The following GSTM5 variants were observed in gnomAD, a reference collection of about 807,000 sequenced individuals.
GSTM5 encodes GST class-mu 5.
In GSTM5, 24 loss-of-function variants were observed where a neutral mutation model predicts 29.0. That is an observed-to-expected ratio of 0.83 (90% CI 0.60 to 1.16). GSTM5 has a LOEUF of 1.16. Among genes scored for constraint, GSTM5 ranks in the 50% most tolerant of loss-of-function variants. The pLI, the probability that GSTM5 is intolerant of heterozygous loss-of-function variation, is 0.00. For missense variants in GSTM5, 290 were observed against 263.0 expected (o/e 1.10, Z -0.71); for synonymous variants, 91 against 93.6 (o/e 0.97, Z 0.16).
chr1:109,713,295 T>C, intron 3 of GSTM5, 112 bp downstream of exon 3: 1 of 1,511,970 alleles, frequency 6.6e-7, no homozygotes, highest in Non-Finnish European at 9.2e-7. Context: ...CCAATTCCTC[T>C]CACTCTTGGC....
intron 7 of GSTM5, 27 bp downstream of exon 7, chr1:109,715,267 T>G (rs762807389): frequency 1.2e-6 from 2 of 1,614,230 alleles, no homozygotes; most frequent in Non-Finnish European, 1.7e-6. Context: ...CCTTTCTCTT[T>G]GATGCCCCTT....
chr1:109,713,185 T>C lies in GSTM5; in HGVS notation c.177+2T>C. On this transcript the variant is annotated splice_donor_variant, in intron 3 of 7. Coordinates refer to ENST00000256593, the MANE Select transcript of GSTM5 (RefSeq NM_000851.4). LOFTEE classifies it high-confidence loss of function. ...AAGCTGGGCCTGGACTTTCCCAATG[T>C]AGGTGCAGGGGAAGGGGCGGTTTTG... 1 of 1,612,390 alleles carries C rather than the reference T, an allele frequency of 6.2e-7. No homozygotes were observed. The highest frequency in any genetic ancestry group is 8.5e-7 in the Non-Finnish European group (1 of 1,179,838).
At chr1:109,717,188 T>C (rs1350845218) in intron 7 of GSTM5, 149 bp from the exon 8 acceptor site, 2 of 622,522 alleles carry the variant, frequency 3.2e-6, no homozygotes, top group East Asian at 2.7e-5. Context: ...TTAGAAGAGC[T>C]GGGGACCTAA....
intron 1 of GSTM5, 126 bp downstream of exon 1, chr1:109,712,474 C>A: frequency 6.5e-6 from 5 of 772,100 alleles, no homozygotes; most frequent in Non-Finnish European, 1.1e-5. Context: ...CTGTGCATGA[C>A]GCTGTGTGTG....
chr1:109,713,034 A>G (rs492732), intron 2 of GSTM5, 85 bp from the exon 3 acceptor site: 39 of 1,501,168 alleles, frequency 2.6e-5, no homozygotes, highest in Admixed American at 5.1e-5. Flanking sequence ...TGTCTCAGGG[A>G]TCTTGCCACT....
In GSTM5 at chr1:109,713,830, C is replaced by G; in HGVS notation, c.360+69C>G. 3 of 1,361,518 alleles carry G rather than the reference C, an allele frequency of 2.2e-6. No homozygotes were observed. The South Asian group carries it at 3.5e-5, about 16-fold the overall frequency. 84.3% of individuals were successfully genotyped at this position (1,361,518 alleles called of 1,614,324 possible). On this transcript the variant is annotated intron_variant, in intron 5 of 7. Transcript: ENST00000256593. ...TTGGCCCAGACCAGGGAGGGACTTC[C>G]AAAGTCAGGTCTGTAGCAGACTCCG...
rs1390308203 is a variant in GSTM5, at chr1:109,715,120, CCTT to C, written c.457-5_457-3del. Reference sequence around the variant, plus strand: ...GGGTTTTCAGCCCACACATTCTTGGCCTTCTTCAGATCACCTTTGTGGATTTCC... The same window carrying C: ...GGGTTTTCAGCCCACACATTCTTGGCCTTCAGATCACCTTTGTGGATTTCC... On this transcript the variant is annotated splice_region_variant and splice_polypyrimidine_tract_variant and intron_variant, in intron 6 of 7. Coordinates refer to ENST00000256593, the MANE Select transcript of GSTM5 (RefSeq NM_000851.4). 6 of 1,614,054 alleles carry C rather than the reference CCTT, an allele frequency of 3.7e-6. No individual in the cohort carries two copies. The highest frequency in any genetic ancestry group is 1.1e-5 in the South Asian group (1 of 91,090).
chr1:109,712,063 C>G (rs867709534), upstream of GSTM5, among the ~76,000 whole-genome samples: 3 of 152,174 alleles, frequency 2.0e-5, no homozygotes, highest in Middle Eastern at 3.2e-3. Flanking sequence ...CTGGCGAGGC[C>G]GAGCCCCGCT....
chr1:109,713,025 G>A, intron 2 of GSTM5, 94 bp from the exon 3 acceptor site: 1 of 1,422,938 alleles, frequency 7.0e-7, no homozygotes, highest in Non-Finnish European at 9.9e-7. Context: ...AGATCCACCT[G>A]TCTCAGGGAT....
intron 1 of GSTM5, 53 bp downstream of exon 1, chr1:109,712,401 G>A: frequency 6.3e-7 from 1 of 1,590,034 alleles, no homozygotes; most frequent in Non-Finnish European, 8.6e-7. Flanking sequence ...GGGGATGTGT[G>A]GAGTAGCTGC....
rs1202823167 is a variant in GSTM5, at chr1:109,716,184, C to T, written c.567+944C>T. On this transcript the variant is annotated intron_variant, in intron 7 of 7. Coordinates refer to ENST00000256593, the MANE Select transcript of GSTM5 (RefSeq NM_000851.4). The stretch of plus-strand genomic sequence containing the variant: ...CTGTGTTGAAGTTGTTTGAGAGCAG[C>T]AAATCCTACTTTAGTACAGATTTGG... The T allele has an allele frequency of 5.5e-5, 14 of 253,852 alleles. 1 individual carries two copies. Among genetic ancestry groups the T allele is most frequent in the South Asian group, 4.9e-4 (12 of 24,522 alleles). 15.7% of individuals were successfully genotyped at this position (253,852 alleles called of 1,614,324 possible).
chr1:109,713,734 G>T lies in GSTM5; in HGVS notation c.333G>T (p.Leu111=). The T allele has an allele frequency of 6.2e-7, 1 of 1,613,104 alleles. No homozygotes were observed. Among genetic ancestry groups the T allele is most frequent in the South Asian group, 1.1e-5 (1 of 91,000 alleles). Residue 111 remains leucine (L), a synonymous_variant, in exon 5 of 8, where the codon CTG becomes CTT. Transcript: ENST00000256593. ...ENQVMDNHME[L]VRLCYDPDFE... Reference sequence around the variant, plus strand: ...AGGTTATGGATAACCACATGGAGCTGGTCAGACTGTGCTATGACCCAGATT... The same window carrying T: ...AGGTTATGGATAACCACATGGAGCTTGTCAGACTGTGCTATGACCCAGATT...
At chr1:109,715,793 C>T (rs559338690) in intron 7 of GSTM5, 32 of 409,558 alleles carry the variant, frequency 7.8e-5, no homozygotes, top group Non-Finnish European at 1.0e-4. Flanking sequence ...TCCTGAGATC[C>T]GGAGCTGTGG....
At chr1:109,715,742 A>G (rs17024661) in intron 7 of GSTM5, 14,991 of 413,860 alleles carry the variant, frequency 0.036, 457 homozygotes, top group South Asian at 0.099. Context: ...ATTCATAGCC[A>G]CCCCCAGAAG....
rs146629350 is a variant in GSTM5, at chr1:109,714,024, G to A, written c.360+263G>A. On this transcript the variant is annotated intron_variant, in intron 5 of 7. Transcript: ENST00000256593. ...AGTTTGTGAGTCTCCCCAGTGAGCT[G>A]CACCTGGCAGAGTTTGGATTTGGGG... is the stretch of plus-strand genomic sequence containing the variant. 7.9e-3 allele frequency: 2,630 copies of A among 332,136 alleles called. 26 individuals carry two copies. Among genetic ancestry groups the A allele is most frequent in the Admixed American group, 0.03 (653 of 21,470 alleles). 20.6% of individuals were successfully genotyped at this position (332,136 alleles called of 1,614,324 possible). A position where few individuals can be genotyped will look rare whatever the true frequency, so the allele number is the denominator to read the frequency against.
chr1:109,716,679 T>C (rs1648758029), intron 7 of GSTM5: 1 of 152,818 alleles, frequency 6.5e-6, no homozygotes, highest in African/African-American at 2.4e-5. Flanking sequence ...ACCCTTACCC[T>C]ATTCAGTTTC....
At position 109,717,409 on chromosome 1, in the gene GSTM5, A is replaced by G. The variant is rs1648788016; in HGVS notation, c.640A>G (p.Thr214Ala). 1 of 1,613,534 alleles carries G rather than the reference A, an allele frequency of 6.2e-7. No individual in the cohort carries two copies. Among genetic ancestry groups the G allele is most frequent in the Admixed American group, 1.7e-5 (1 of 60,012 alleles). Residue 214 changes from threonine (T) to alanine (A), a missense_variant, in exon 8 of 8, where the codon ACA (threonine) becomes GCA (alanine). Physicochemically the swap from Thr to Ala is moderately conservative, Grantham distance 58 (BLOSUM62 0). Transcript: ENST00000256593. ...AGGTCTTTTGTTTGGAAAGTCAGCT[A>G]CATGGAACAGCAAATAGGGCCCAGT... is the stretch of plus-strand genomic sequence containing the variant. ...LRGLLFGKSA[T>A]WNSK
chr1:109,712,518 G>C lies in GSTM5; in HGVS notation c.37-100G>C, dbSNP rs567005929. The C allele has an allele frequency of 1.8e-5, 26 of 1,428,148 alleles. No homozygotes were observed. The African/African-American group carries it at 2.9e-4, about 16-fold the overall frequency. The allele number at this position is 1,428,148 out of a possible 1,614,324, so 88.5% of individuals were successfully genotyped here. Reference sequence around the variant, plus strand: ...GGTGGGGGCGGGTAGAGGAGGCGACGGGTACGTGCAGTATAGACTAGGGGC... The same window carrying C: ...GGTGGGGGCGGGTAGAGGAGGCGACCGGTACGTGCAGTATAGACTAGGGGC... On this transcript the variant is annotated intron_variant, in intron 1 of 7. Coordinates refer to ENST00000256593, the MANE Select transcript of GSTM5 (RefSeq NM_000851.4).
At chr1:109,715,834 G>A in intron 7 of GSTM5, 1 of 459,890 alleles carries the variant, frequency 2.2e-6, no homozygotes, top group Non-Finnish European at 4.2e-6. Flanking sequence ...ATATGTGGGT[G>A]CCCCTGTTGA....
Sources: allele counts gnomAD v4.1 joint callset (sites outside exome capture counted in the v4.1 genomes callset), GRCh38; gene constraint gnomAD v4.1.1; transcripts MANE v1.5; gene names NCBI Gene and HGNC (gene_info 2026-07-23, HGNC 2026-07-21).